The following PHF24 variants were observed in gnomAD, a reference collection of about 807,000 sequenced individuals.
PHF24 encodes PHD finger protein 24, also known as Galpha inhibitory interacting protein.
Under a neutral mutation model 42.6 loss-of-function variants are expected in PHF24, and 25 were observed. The observed-to-expected ratio is 0.59, with a 90% confidence interval of 0.43 to 0.82. The LOEUF (loss-of-function observed/expected upper bound fraction) is 0.82, where lower values mean the gene tolerates loss of function less well. PHF24 is among the 40% of genes least tolerant of loss of function. The probability of loss-of-function intolerance (pLI) is 0.00; values close to 1 mark genes in which losing one functional copy is unlikely to be tolerated. For missense variants in PHF24, 470 were observed against 538.1 expected (o/e 0.87, Z 1.25); for synonymous variants, 185 against 204.8 (o/e 0.90, Z 0.83).
chr9:34,709,759 C>T, the PHF24 span: 1 of 1,614,168 alleles, frequency 6.2e-7, no homozygotes, highest in South Asian at 1.1e-5. Context: ...CAGTACCCAC[C>T]CCTTTGTGTC....
chr9:34,954,024 G>T (rs1826316310), upstream of PHF24, among the ~76,000 whole-genome samples: 1 of 152,118 alleles, frequency 6.6e-6, no homozygotes, highest in African/African-American at 2.4e-5. Flanking sequence ...CAAAGGGATA[G>T]AAGAGATGGG....
chr9:34,911,738 T>C, the PHF24 span, among the ~76,000 whole-genome samples: 1 of 151,250 alleles, frequency 6.6e-6, no homozygotes, highest in South Asian at 2.1e-4. Context: ...GTCCAGCCCA[T>C]GTCTAGCCAA....
intron 1 of PHF24, among the ~76,000 whole-genome samples, chr9:34,970,299 T>A (rs910070363): frequency 2.6e-4 from 40 of 152,206 alleles, no homozygotes; most frequent in Non-Finnish European, 4.6e-4. Context: ...CTTTTTAACC[T>A]GTAAAGGATA....
At chr9:34,928,475 T>G in the PHF24 span, among the ~76,000 whole-genome samples, 1 of 152,126 alleles carries the variant, frequency 6.6e-6, no homozygotes, top group Admixed American at 6.5e-5. Flanking sequence ...TAAAACCCAC[T>G]AATGAGTCAA....
the PHF24 span, among the ~76,000 whole-genome samples, chr9:34,884,647 A>G: frequency 3.3e-5 from 5 of 152,176 alleles, no homozygotes; most frequent in Non-Finnish European, 7.3e-5. Context: ...AGGGACTAGA[A>G]TTTGAGTGGA....
chr9:34,836,319 T>C, the PHF24 span, among the ~76,000 whole-genome samples: 8 of 152,224 alleles, frequency 5.3e-5, no homozygotes, highest in Non-Finnish European at 8.8e-5. Context: ...AGTTCTGTGT[T>C]GGCCTTGTTG....
the PHF24 span, among the ~76,000 whole-genome samples, chr9:34,915,974 A>G: frequency 2.0e-5 from 3 of 151,986 alleles, no homozygotes; most frequent in Admixed American, 2.0e-4. Flanking sequence ...GAGTTCTCAC[A>G]AAATCAGGTG....
At chr9:34,835,662 C>G in the PHF24 span, 14 of 1,551,238 alleles carry the variant, frequency 9.0e-6, no homozygotes, top group East Asian at 2.4e-5. Flanking sequence ...GGCCCCGGAG[C>G]ACAGCTGGCA....
At chr9:34,887,871 A>G in the PHF24 span, among the ~76,000 whole-genome samples, 1 of 152,130 alleles carries the variant, frequency 6.6e-6, no homozygotes, top group Non-Finnish European at 1.5e-5. Flanking sequence ...CCCAGTGCCT[A>G]TAAAAGTGCC....
At chr9:34,866,844 C>T in the PHF24 span, among the ~76,000 whole-genome samples, 1 of 152,096 alleles carries the variant, frequency 6.6e-6, no homozygotes, top group Non-Finnish European at 1.5e-5. Flanking sequence ...TTTCTGTAGA[C>T]CAACTGTCCC....
chr9:34,701,436 T>C, the PHF24 span, among the ~76,000 whole-genome samples: 1 of 152,180 alleles, frequency 6.6e-6, no homozygotes, highest in African/African-American at 2.4e-5. This position sits in a 1 kb window ranked among gnomAD's most constrained non-coding sequence, Gnocchi z 5.8. Flanking sequence ...TGCATCTCCC[T>C]TCCTGGGCCT....
chr9:34,962,260 T>C (rs528721045), intron 1 of PHF24, among the ~76,000 whole-genome samples: 14 of 152,364 alleles, frequency 9.2e-5, no homozygotes, highest in African/African-American at 3.1e-4. Flanking sequence ...TGCCTATTTC[T>C]ATCTAGCCCC....
chr9:34,932,337 T>A, the PHF24 span, among the ~76,000 whole-genome samples: 1 of 151,918 alleles, frequency 6.6e-6, no homozygotes, highest in Non-Finnish European at 1.5e-5. Flanking sequence ...GAAAAGGGGG[T>A]TGAACTTTGA....
the PHF24 span, among the ~76,000 whole-genome samples, chr9:34,838,858 C>T: frequency 1.3e-5 from 2 of 152,168 alleles, no homozygotes; most frequent in South Asian, 2.1e-4. Context: ...ACAGGGGCAC[C>T]TTATGAGAAG....
At chr9:34,734,625 A>C in the PHF24 span, among the ~76,000 whole-genome samples, 2 of 152,176 alleles carry the variant, frequency 1.3e-5, no homozygotes, top group Non-Finnish European at 2.9e-5. Flanking sequence ...GGAAAAAGGG[A>C]AAAGAAAAAA....
At chr9:34,840,675 C>A in the PHF24 span, among the ~76,000 whole-genome samples, 1 of 151,940 alleles carries the variant, frequency 6.6e-6, no homozygotes, top group Non-Finnish European at 1.5e-5. Flanking sequence ...TGAGCCCCCC[C>A]AGATGCTAGG....
the PHF24 span, among the ~76,000 whole-genome samples, chr9:34,862,990 C>T: frequency 1.1e-4 from 16 of 151,732 alleles, no homozygotes; most frequent in Non-Finnish European, 1.8e-4. Flanking sequence ...CATAAGTGTA[C>T]ATCAGCAATA....
the PHF24 span, among the ~76,000 whole-genome samples, chr9:34,941,538 C>T: frequency 7.9e-5 from 12 of 152,260 alleles, 1 homozygote; most frequent in South Asian, 2.1e-4. Flanking sequence ...AACCACTGGC[C>T]CTTTGTCTCA....
chr9:34,713,015 G>A, the PHF24 span, among the ~76,000 whole-genome samples: 1 of 151,898 alleles, frequency 6.6e-6, no homozygotes, highest in Non-Finnish European at 1.5e-5. Flanking sequence ...TTGATAACTG[G>A]GCATTCTGAA....
Sources: gnomAD v4.1 joint callset for allele counts (sites outside exome capture counted in the v4.1 genomes callset) on GRCh38, gnomAD v4.1.1 for gene constraint, Gnocchi (gnomAD v3.1) non-coding constraint, MANE v1.5 for transcripts, NCBI Gene and HGNC (gene_info 2026-07-23, HGNC 2026-07-21) for gene names.